The following DUSP5 variants were observed in gnomAD, a reference collection of about 807,000 sequenced individuals.
DUSP5 encodes the protein dual specificity protein phosphatase 5.
In DUSP5, 22 loss-of-function variants were observed where a neutral mutation model predicts 33.6. The observed-to-expected ratio is 0.66, with a 90% CI of 0.47 to 0.94. The LOEUF (loss-of-function observed/expected upper bound fraction) is 0.94, where lower values mean the gene tolerates loss of function less well. DUSP5 is among the 40% of genes least tolerant of loss of function. The pLI is 0.00. For synonymous variants in DUSP5, 270 were observed against 231.1 expected, an observed-to-expected ratio of 1.17 and a Z score of -1.53; for missense variants, 551 against 522.1, an observed-to-expected ratio of 1.06 and a Z score of -0.54.
intron 3 of DUSP5, 114 bp from the exon 4 acceptor site, chr10:110,509,904 CTT>C (rs1860165243): frequency 9.3e-6 from 13 of 1,392,828 alleles, no homozygotes; most frequent in African/African-American, 2.9e-5. Flanking sequence ...GGCCGTGGCT[CTT>C]AGGCAGGCAC....
intron 1 of DUSP5, among the ~76,000 whole-genome samples, chr10:110,502,164 A>G (rs931710331): frequency 9.8e-5 from 1 of 10,240 alleles, no homozygotes; most frequent in Non-Finnish European, 0.013. Context: ...GATTGTCAGC[A>G]GTGTTCTTCT....
Position 110,507,166 on chromosome 10 carries a change from C to A in DUSP5, c.748+12C>A. ...AATAGACTTCATTGGTAGGTTTAGC[C>A]ATTCCCCTTCAGTTATTTTGGGAGC... On this transcript the variant is annotated intron_variant, in intron 3 of 3. Coordinates refer to ENST00000369583, the MANE Select transcript of DUSP5 (RefSeq NM_004419.4). The A allele has an allele frequency of 6.2e-7, 1 of 1,608,592 alleles. No individual in the cohort carries two copies. The highest frequency in any genetic ancestry group is 8.5e-7 in the Non-Finnish European group (1 of 1,178,016).
rs759341706 is a variant in DUSP5 at position 110,502,867 on chromosome 10, C to T, written c.526C>T (p.Gln176Ter). 6.2e-7 allele frequency: 1 copy of T among 1,614,118 alleles called. No homozygotes were observed. The highest frequency in any genetic ancestry group is 8.5e-7 in the Non-Finnish European group (1 of 1,179,994). Residue 176 changes from glutamine (Q) to a stop codon, truncating the protein, a stop_gained and splice_region_variant, in exon 2 of 4, where the codon CAG becomes TAG. Transcript: ENST00000369583. LOFTEE classifies it high-confidence loss of function. ...TGTCAGCTACAGGCCAGCTTATGAC[C>T]AGGTACGTGATGTGATGGGGAAGAG... The part of the protein sequence containing the change: ...VNVSYRPAYD[Q>*]GGPVEILPFL...
chr10:110,505,875 GGGGTGT>G (rs1403548130), intron 2 of DUSP5, among the ~76,000 whole-genome samples: 4 of 152,140 alleles, frequency 2.6e-5, no homozygotes, highest in African/African-American at 9.7e-5. Context: ...CTAGAAATCT[GGGGTGT>G]GGGTAGCCTC....
intron 2 of DUSP5, 46 bp downstream of exon 2, chr10:110,502,915 C>A: frequency 6.2e-7 from 1 of 1,607,886 alleles, no homozygotes. Flanking sequence ...GTATTCTGGG[C>A]TCCTGTCTCC....
Position 110,506,786 on chromosome 10 carries a change from G to C in DUSP5, c.529-149G>C. On this transcript the variant is annotated intron_variant, in intron 2 of 3. Transcript: ENST00000369583. ...CCAGGATGGAGATACAACCACACTT[G>C]GTTGAACTGCCCTGGCTCTGAACTC... 3.7e-6 allele frequency: 3 copies of C among 801,732 alleles called. 1 individual carries two copies. The highest frequency in any genetic ancestry group is 4.9e-5 in the East Asian group (2 of 40,718). The allele number at this position is 801,732 out of a possible 1,614,324, so 49.7% of individuals were successfully genotyped here.
intron 2 of DUSP5, among the ~76,000 whole-genome samples, chr10:110,505,035 G>C (rs1860100570): frequency 2.0e-5 from 3 of 152,230 alleles, no homozygotes; most frequent in African/African-American, 7.2e-5. Flanking sequence ...CACCAGGAAG[G>C]CTGCTCTGTA....
intron 1 of DUSP5, among the ~76,000 whole-genome samples, chr10:110,501,801 A>G (rs1203107646): frequency 6.6e-6 from 1 of 152,126 alleles, no homozygotes; most frequent in Non-Finnish European, 1.5e-5. Flanking sequence ...CCACCTTTTC[A>G]TTCGGTTCTT....
chr10:110,504,686 C>A (rs1043267456), intron 2 of DUSP5, among the ~76,000 whole-genome samples: 8 of 152,204 alleles, frequency 5.3e-5, no homozygotes, highest in Admixed American at 3.9e-4. Context: ...ATGCTGTGCC[C>A]AGGGAGTGGG....
Position 110,510,940 on chromosome 10 carries a change from A to G in DUSP5, c.*514A>G, listed in dbSNP as rs1422198086. 1.3e-5 allele frequency: 2 copies of G among 153,636 alleles called. No individual in the cohort carries two copies. The highest frequency in any genetic ancestry group is 2.4e-5 in the African/African-American group (1 of 41,474). The allele number at this position is 153,636 out of a possible 1,614,324, so 9.5% of individuals were successfully genotyped here. A position where few individuals can be genotyped will look rare whatever the true frequency, so the allele number is the denominator to read the frequency against. On this transcript the variant is annotated 3_prime_UTR_variant, in exon 4 of 4. Coordinates refer to ENST00000369583, the MANE Select transcript of DUSP5 (RefSeq NM_004419.4). ...GTAACCCTACAGGGTTTGTAGGGACATGATCAGCATCCTGATTTGAACCCT... is the reference window on the plus strand; with the variant it reads ...GTAACCCTACAGGGTTTGTAGGGACGTGATCAGCATCCTGATTTGAACCCT...
chr10:110,506,837 C>T lies in DUSP5; in HGVS notation c.529-98C>T, dbSNP rs369309280. 2.7e-5 allele frequency: 36 copies of T among 1,314,054 alleles called. No individual in the cohort carries two copies. In the African/African-American group the frequency reaches 4.4e-4, roughly 16 times the overall value. The allele number at this position is 1,314,054 out of a possible 1,614,324, so 81.4% of individuals were successfully genotyped here. A position where few individuals can be genotyped will look rare whatever the true frequency, so the allele number is the denominator to read the frequency against. On this transcript the variant is annotated intron_variant, in intron 2 of 3. Coordinates refer to ENST00000369583, the MANE Select transcript of DUSP5 (RefSeq NM_004419.4). Reference sequence around the variant, plus strand: ...CACTTGGAAACCAGAAAGGGAACCACCCATCTTAAGAAACAAATAGGTCGG... The same window carrying T: ...CACTTGGAAACCAGAAAGGGAACCATCCATCTTAAGAAACAAATAGGTCGG...
Position 110,502,850 on chromosome 10 carries a change from A to G in DUSP5, c.509A>G (p.Tyr170Cys). 1.2e-6 allele frequency: 2 copies of G among 1,614,218 alleles called. No homozygotes were observed. Among genetic ancestry groups the G allele is most frequent in the Non-Finnish European group, 1.7e-6 (2 of 1,180,040 alleles). ...QCGKPVVNVS[Y>C]RPAYDQGGPV... ...GGAAAACCAGTGGTAAATGTCAGCT[A>G]CAGGCCAGCTTATGACCAGGTACGT... is the stretch of plus-strand genomic sequence containing the variant. Residue 170 changes from tyrosine (Y) to cysteine (C), a missense_variant, in exon 2 of 4, where the codon TAC becomes TGC. Coordinates refer to ENST00000369583, the MANE Select transcript of DUSP5 (RefSeq NM_004419.4).
Position 110,498,471 on chromosome 10 carries a change from C to G in DUSP5, c.350C>G (p.Pro117Arg), listed in dbSNP as rs1459119745. The G allele has an allele frequency of 9.7e-6, 15 of 1,544,388 alleles. No homozygotes were observed. Among genetic ancestry groups the G allele is most frequent in the Non-Finnish European group, 1.3e-5 (15 of 1,154,730 alleles). Residue 117 changes from proline (P) to arginine (R), a missense_variant, in exon 1 of 4, where the codon CCC becomes CGC. By Grantham distance (103) the Pro-to-Arg change is moderately radical. Transcript: ENST00000369583. ...CTCACCTCGCTACTCGCTTGCCTAC[C>G]CGCCGGCCCGCGGGTCTACTTCCTC... Reference protein sequence around the residue: ...VVLTSLLACLPAGPRVYFLKG... With the variant: ...VVLTSLLACLRAGPRVYFLKG...
chr10:110,498,713 A>C (rs545044207), intron 1 of DUSP5, among the ~76,000 whole-genome samples: 13 of 152,256 alleles, frequency 8.5e-5, no homozygotes, highest in Admixed American at 8.5e-4. Flanking sequence ...AGCGCCCGGC[A>C]GCGGGTCTGC....
intron 2 of DUSP5, among the ~76,000 whole-genome samples, chr10:110,503,901 A>G (rs1209283126): frequency 6.6e-6 from 1 of 152,232 alleles, no homozygotes; most frequent in Non-Finnish European, 1.5e-5. Context: ...AGATGCTAAA[A>G]TGCCAGCTCC....
Position 110,498,239 on chromosome 10 carries a change from C to A in DUSP5, c.118C>A (p.Arg40Ser), listed in dbSNP as rs769352051. Residue 40 changes from arginine to serine, a missense_variant, in exon 1 of 4, where the codon CGC becomes AGC. By Grantham distance (110) the Arg-to-Ser change is moderately radical. Transcript: ENST00000369583. Reference protein sequence around the residue: ...PYLAFAASNVRGSLNVNLNSV... With the variant: ...PYLAFAASNVSGSLNVNLNSV... ...TCTGGCCTTCGCTGCCTCGAACGTG[C>A]GCGGCTCGCTCAACGTCAACCTCAA... is the stretch of plus-strand genomic sequence containing the variant. The A allele has an allele frequency of 2.0e-6, 3 of 1,506,636 alleles. No individual in the cohort carries two copies. The highest frequency in any genetic ancestry group is 1.8e-6 in the Non-Finnish European group (2 of 1,126,430). The allele number at this position is 1,506,636 out of a possible 1,614,324, so 93.3% of individuals were successfully genotyped here.
In DUSP5 at chr10:110,510,691, C is replaced by T; in HGVS notation, c.*265C>T. 1 of 409,684 alleles carries T rather than the reference C, an allele frequency of 2.4e-6. No homozygotes were observed. 25.4% of individuals were successfully genotyped at this position (409,684 alleles called of 1,614,324 possible). ...CAGACCCCTGCCCTCTTGGGACTGC[C>T]CAGTCCTTGCACCTCAGAGTTCGCC... is the stretch of plus-strand genomic sequence containing the variant. On this transcript the variant is annotated 3_prime_UTR_variant, in exon 4 of 4. Transcript: ENST00000369583.
At chr10:110,498,595 A>G in intron 1 of DUSP5, 95 bp downstream of exon 1, 3 of 1,321,036 alleles carry the variant, frequency 2.3e-6, no homozygotes, top group Non-Finnish European at 2.9e-6. Context: ...GGACCGGGAG[A>G]GTCACCACCT....
chr10:110,502,185 G>A (rs890285868), intron 1 of DUSP5, among the ~76,000 whole-genome samples: 1 of 152,170 alleles, frequency 6.6e-6, no homozygotes, highest in African/African-American at 2.4e-5. Context: ...TAGCACCTTG[G>A]GAGTGAGAAG....
Sources: gnomAD v4.1 joint callset for allele counts (sites outside exome capture counted in the v4.1 genomes callset) on GRCh38, gnomAD v4.1.1 for gene constraint, MANE v1.5 for transcripts, NCBI Gene and HGNC (gene_info 2026-07-23, HGNC 2026-07-21) for gene names.